PCNX2: variants seen among roughly 807,000 people sequenced by gnomAD.
The protein encoded by PCNX2 is pecanex-like protein 2.
Under a neutral mutation model 223.8 loss-of-function variants are expected in PCNX2, and 168 were observed. The observed-to-expected ratio is 0.75, with a 90% confidence interval of 0.66 to 0.85. PCNX2 has a LOEUF of 0.85. Among genes scored for constraint, PCNX2 ranks in the 40% least tolerant of loss-of-function variants. PCNX2 has a pLI of 0.00. For missense variants in PCNX2, 2,507 were observed against 2,675.5 expected, an observed-to-expected ratio of 0.94 and a Z score of 1.39; for synonymous variants, 1,006 against 1,052.6, an observed-to-expected ratio of 0.96 and a Z score of 0.86.
intron 17 of PCNX2, among the ~76,000 whole-genome samples, chr1:233,176,704 G>C (rs1280315395): frequency 6.6e-6 from 1 of 152,352 alleles, no homozygotes; most frequent in East Asian, 1.9e-4. Flanking sequence ...CACCATGTGT[G>C]CACAACAGCC....
chr1:233,087,531 T>C (rs1280011642), intron 23 of PCNX2, among the ~76,000 whole-genome samples: 2 of 152,168 alleles, frequency 1.3e-5, no homozygotes, highest in Non-Finnish European at 2.9e-5. Flanking sequence ...ACACTAAAAC[T>C]CATTAATGAG....
chr1:233,248,365 T>G (rs965917), intron 8 of PCNX2, among the ~76,000 whole-genome samples: 112,264 of 151,682 alleles, frequency 0.74, 41,637 homozygotes, highest in Middle Eastern at 0.76. Flanking sequence ...TGGGCTCAGG[T>G]AATATGGCTC....
chr1:233,201,617 G>T (rs569948486), intron 13 of PCNX2: 1 of 152,294 alleles, frequency 6.6e-6, no homozygotes, highest in East Asian at 1.9e-4. Flanking sequence ...GCCAATTCCG[G>T]ATCAGGGCAG....
At chr1:233,227,584 G>A (rs369877287) in intron 9 of PCNX2, among the ~76,000 whole-genome samples, 5 of 152,054 alleles carry the variant, frequency 3.3e-5, no homozygotes, top group African/African-American at 9.7e-5. Flanking sequence ...AACAAAAAGC[G>A]CTTTTCTTAC....
At chr1:233,152,062 G>T (rs551486800) in intron 19 of PCNX2, among the ~76,000 whole-genome samples, 7 of 152,192 alleles carry the variant, frequency 4.6e-5, no homozygotes, top group Admixed American at 1.3e-4. Flanking sequence ...GGAGACTGAC[G>T]CAGGAAGATA....
At chr1:233,177,463 G>A (rs981525738) in intron 17 of PCNX2, among the ~76,000 whole-genome samples, 1 of 152,218 alleles carries the variant, frequency 6.6e-6, no homozygotes, top group Non-Finnish European at 1.5e-5. Context: ...TAAGGTGGAT[G>A]TGTCAGGTTA....
chr1:233,321,898 A>AT, the PCNX2 span, among the ~76,000 whole-genome samples: 2 of 152,112 alleles, frequency 1.3e-5, no homozygotes, highest in African/African-American at 4.8e-5. Flanking sequence ...AGCAAATAAC[A>AT]TTTTCCTAGA....
chr1:233,092,864 T>C (rs1571855169), intron 22 of PCNX2, among the ~76,000 whole-genome samples: 1 of 152,222 alleles, frequency 6.6e-6, no homozygotes, highest in South Asian at 2.1e-4. Flanking sequence ...GGTGGCACCA[T>C]CTCAGCTCAC....
At chr1:233,017,296 G>A in intron 26 of PCNX2, 142 bp from the exon 27 acceptor site, 2 of 468,542 alleles carry the variant, frequency 4.3e-6, no homozygotes. Flanking sequence ...GAACTCATTT[G>A]AGACATTCTA....
intron 17 of PCNX2, among the ~76,000 whole-genome samples, chr1:233,176,171 ATGGG>A (rs1679462975): frequency 6.6e-6 from 1 of 152,214 alleles, no homozygotes; most frequent in Non-Finnish European, 1.5e-5. Context: ...ACTCAGATGT[ATGGG>A]AGCTTACACA....
intron 32 of PCNX2, among the ~76,000 whole-genome samples, chr1:232,988,277 T>G (rs1347357183): frequency 6.6e-6 from 1 of 152,194 alleles, no homozygotes; most frequent in Non-Finnish European, 1.5e-5. Flanking sequence ...CCACCCATAC[T>G]TGGTGGGGAA....
chr1:233,195,394 G>A (rs1463401730), intron 15 of PCNX2, among the ~76,000 whole-genome samples: 1 of 152,098 alleles, frequency 6.6e-6, no homozygotes, highest in African/African-American at 2.4e-5. Flanking sequence ...CCTAAACTTG[G>A]GAGCAAGGCA....
rs1279618520 is a variant in PCNX2 at position 233,126,282 on chromosome 1, C to A, written c.3837+8731G>T. 1 of 152,056 alleles carries A rather than the reference C, an allele frequency of 6.6e-6. No homozygotes were observed. Among genetic ancestry groups the A allele is most frequent in the Non-Finnish European group, 1.5e-5 (1 of 68,016 alleles). 9.4% of individuals were successfully genotyped at this position (152,056 alleles called of 1,614,324 possible). A position where few individuals can be genotyped will look rare whatever the true frequency, so the allele number is the denominator to read the frequency against. ...TTCTGTGGTTTGTGACCCAAGAAGT[C>A]CCAAGTACCACAGAAAAGCTTGGAA... On this transcript the variant is annotated intron_variant, in intron 21 of 33. Coordinates refer to ENST00000258229, the MANE Select transcript of PCNX2 (RefSeq NM_014801.4). The surrounding 1 kb of genome is among the most constrained non-coding windows in gnomAD (Gnocchi z 4.8).
At chr1:233,042,632 CT>C (rs1186533289) in intron 25 of PCNX2, among the ~76,000 whole-genome samples, 2 of 152,136 alleles carry the variant, frequency 1.3e-5, no homozygotes, top group East Asian at 1.9e-4. Flanking sequence ...TGGTGGAATT[CT>C]TTTTTATCCC....
rs1255754135 is a variant in PCNX2, at chr1:233,001,319, C to G, written c.5097+218G>C. Among the ~76,000 whole-genome samples the G allele has an allele frequency of 1.3e-5, 2 of 151,974 alleles. No homozygotes were observed. On this transcript the variant is annotated intron_variant, in intron 29 of 33. Transcript: ENST00000258229. This position sits in a 1 kb window ranked among gnomAD's most constrained non-coding sequence, Gnocchi z 4.2. ...ACATGGAGAAACCCCATTTCTACTA[C>G]AAATACAAAATTAGCTGGGCATGGT...
chr1:233,134,007 A>G (rs1676661272), intron 21 of PCNX2, among the ~76,000 whole-genome samples: 1 of 152,176 alleles, frequency 6.6e-6, no homozygotes, highest in Non-Finnish European at 1.5e-5. Flanking sequence ...CAGTAGAAGG[A>G]AGAGGTAAGT....
intron 8 of PCNX2, chr1:233,241,442 TAC>T: frequency 4.4e-6 from 4 of 902,370 alleles, no homozygotes; most frequent in African/African-American, 1.8e-5. Context: ...CTCTTTCTAA[TAC>T]GTCTAAGAAA....
chr1:233,148,666 T>C (rs543045000), intron 19 of PCNX2, among the ~76,000 whole-genome samples: 6 of 152,308 alleles, frequency 3.9e-5, no homozygotes, highest in Admixed American at 1.3e-4. Flanking sequence ...CCTCCCAAAA[T>C]GCTGGGATTA....
intron 26 of PCNX2, among the ~76,000 whole-genome samples, chr1:233,018,197 G>GTT (rs913698246): frequency 4.9e-5 from 7 of 144,002 alleles, no homozygotes; most frequent in Non-Finnish European, 6.1e-5. Context: ...TAATATTTTA[G>GTT]TTTTTTTTTT....
Sources: gnomAD v4.1 joint callset for allele counts (sites outside exome capture counted in the v4.1 genomes callset) on GRCh38, gnomAD v4.1.1 for gene constraint, Gnocchi (gnomAD v3.1) non-coding constraint, MANE v1.5 for transcripts, NCBI Gene and HGNC (gene_info 2026-07-23, HGNC 2026-07-21) for gene names.